FAM170A: variants seen among roughly 807,000 people sequenced by gnomAD.
FAM170A encodes the protein family with sequence similarity 170 member A, also known as protein FAM170A.
Under a neutral mutation model 36.6 loss-of-function variants are expected in FAM170A, and 28 were observed. The observed-to-expected ratio is 0.76, with a 90% CI of 0.57 to 1.05. FAM170A has a LOEUF of 1.05. FAM170A is among the 50% of genes least tolerant of loss of function. The pLI, the probability that FAM170A is intolerant of heterozygous loss-of-function variation, is 0.00. For synonymous variants in FAM170A, 156 were observed against 143.9 expected (o/e 1.08, Z -0.60); for missense variants, 434 against 396.5 (o/e 1.09, Z -0.80).
intron 1 of FAM170A, among the ~76,000 whole-genome samples, chr5:119,630,541 T>C (rs1756227443): frequency 1.3e-5 from 2 of 152,128 alleles, no homozygotes; most frequent in Non-Finnish European, 2.9e-5. Context: ...GGGGAAGACC[T>C]GGCTGTTGGC....
intron 3 of FAM170A, 75 bp from the exon 4 acceptor site, chr5:119,634,953 C>T (rs567555618): frequency 6.3e-7 from 1 of 1,575,492 alleles, no homozygotes; most frequent in African/African-American, 1.3e-5. Flanking sequence ...CTTTCCAGCT[C>T]CTGCAGGAAA....
At chr5:119,633,647 A>G (rs78823077) in intron 2 of FAM170A, among the ~76,000 whole-genome samples, 4,303 of 152,076 alleles carry the variant, frequency 0.028, 94 homozygotes, top group Non-Finnish European at 0.043. Context: ...TACCTCCCAC[A>G]TTCCACAAAT....
At chr5:119,631,231 G>C (rs1440346693) in intron 1 of FAM170A, among the ~76,000 whole-genome samples, 1 of 152,236 alleles carries the variant, frequency 6.6e-6, no homozygotes, top group Non-Finnish European at 1.5e-5. Context: ...CCCGATTAGA[G>C]CTCAGCAGCG....
exon 1 of FAM170A, chr5:119,629,619 C>T (rs1229557512): frequency 1.7e-6 from 1 of 605,638 alleles, no homozygotes; most frequent in Non-Finnish European, 3.0e-6. Context: ...ACTAAGCGGT[C>T]TGAGTTCTTT....
At chr5:119,634,225 A>G (rs762480512) in exon 3 of FAM170A, 1 of 1,614,234 alleles carries the variant, frequency 6.2e-7, no homozygotes, top group Non-Finnish European at 8.5e-7. Context: ...CAAGGATGGA[A>G]GAAGTGACCC....
At position 119,632,841 on chromosome 5, in the gene FAM170A, CCGAA is replaced by C. The variant is rs1213487600; in HGVS notation, c.165_168del (p.Glu56ThrfsTer63). The C allele has an allele frequency of 9.3e-6, 15 of 1,612,906 alleles. No homozygotes were observed. The highest frequency in any genetic ancestry group is 1.3e-5 in the Non-Finnish European group (15 of 1,179,162). Reference sequence around the variant, plus strand: ...GGGGTGGGAGAAGTTACTTCTACCTCCGAATACTGCTCCTGCGTTTCTTCTTCAC... The same window carrying C: ...GGGGTGGGAGAAGTTACTTCTACCTCTACTGCTCCTGCGTTTCTTCTTCAC... On this transcript the variant is annotated frameshift_variant, in exon 2 of 5. Coordinates refer to ENST00000613773, the Ensembl canonical transcript of FAM170A. LOFTEE classifies it high-confidence loss of function.
chr5:119,632,796 T>C lies in FAM170A; in HGVS notation c.119T>C (p.Val40Ala), dbSNP rs755469276. ...GCCCTGCAGCCTGGATCCACTAGAG[T>C]GGCCAAAGGCTGGAGCCAAGGGGTG... Residue 40 changes from valine (V) to alanine (A), a missense_variant, in exon 2 of 5, where the codon GTG becomes GCG. Val to Ala is a moderately conservative substitution (Grantham distance 64). Coordinates refer to ENST00000613773, the Ensembl canonical transcript of FAM170A. 2 of 1,612,360 alleles carry C rather than the reference T, an allele frequency of 1.2e-6. No homozygotes were observed. The highest frequency in any genetic ancestry group is 2.7e-5 in the African/African-American group (2 of 74,886).
At chr5:119,632,769 A>G in exon 2 of FAM170A, 2 of 1,605,828 alleles carry the variant, frequency 1.2e-6, no homozygotes, top group Non-Finnish European at 1.7e-6. Context: ...TCCCAAGAGG[A>G]TGCCCTGCAG....
At chr5:119,633,026 TG>T in intron 2 of FAM170A, 138 bp downstream of exon 2, 3 of 914,098 alleles carry the variant, frequency 3.3e-6, no homozygotes, top group Non-Finnish European at 1.6e-6. Context: ...TCTTTGGGAG[TG>T]GGGCTTTTTG....
intron 1 of FAM170A, among the ~76,000 whole-genome samples, chr5:119,630,530 A>G (rs1756227096): frequency 6.6e-6 from 1 of 152,084 alleles, no homozygotes; most frequent in Admixed American, 6.5e-5. Context: ...TGCAGTAGGG[A>G]GGGGAAGACC....
At chr5:119,629,824 C>T (rs1318409296) in exon 1 of FAM170A, 1 of 1,613,572 alleles carries the variant, frequency 6.2e-7, no homozygotes, top group Non-Finnish European at 8.5e-7. Flanking sequence ...CAGGAAACCG[C>T]TGAGAAGGGA....
rs1420807289 is a variant in FAM170A, at chr5:119,634,750, G to A, written c.986+16G>A. The A allele has an allele frequency of 6.6e-7, 1 of 1,525,416 alleles. No individual in the cohort carries two copies. Among genetic ancestry groups the A allele is most frequent in the Admixed American group, 2.2e-5 (1 of 46,348 alleles). 94.5% of individuals were successfully genotyped at this position (1,525,416 alleles called of 1,614,324 possible). ...AGGACAGGAAGTGAGCAAAGCCTGGGTTGTGGGTCTGCTGAGGGAGCAATG... is the reference window on the plus strand; with the variant it reads ...AGGACAGGAAGTGAGCAAAGCCTGGATTGTGGGTCTGCTGAGGGAGCAATG... On this transcript the variant is annotated intron_variant, in intron 3 of 4. Transcript: ENST00000613773.
In FAM170A at chr5:119,629,786, GA is replaced by G; in HGVS notation, c.19del (p.Arg7GlyfsTer113). 1 of 1,613,662 alleles carries G rather than the reference GA, an allele frequency of 6.2e-7. No homozygotes were observed. Among genetic ancestry groups the G allele is most frequent in the Non-Finnish European group, 8.5e-7 (1 of 1,179,690 alleles). ...CTGATATCATGAAACGACGACAAAA[GA>G]GGAAACATTTGGAAAATGAAGAGTC... On this transcript the variant is annotated frameshift_variant, in exon 1 of 5. Coordinates refer to ENST00000613773, the Ensembl canonical transcript of FAM170A. LOFTEE classifies it high-confidence loss of function.
intron 2 of FAM170A, 46 bp from the exon 3 acceptor site, chr5:119,633,913 CT>C (rs1756312126): frequency 1.9e-6 from 3 of 1,569,032 alleles, no homozygotes; most frequent in South Asian, 2.4e-5. Flanking sequence ...CCCTCAGCTC[CT>C]AGCATGGCCC....
chr5:119,634,775 G>A, intron 3 of FAM170A, 41 bp downstream of exon 3: 1 of 1,508,672 alleles, frequency 6.6e-7, no homozygotes, highest in South Asian at 1.3e-5. Flanking sequence ...AGGGAGCAAT[G>A]GCTTCCCCGA....
In FAM170A at chr5:119,632,828, G is replaced by A. The variant is rs868358305; in HGVS notation, c.151G>A (p.Val51Ile). 8 of 1,613,168 alleles carry A rather than the reference G, an allele frequency of 5.0e-6. No individual in the cohort carries two copies. The African/African-American group carries it at 6.7e-5, about 13-fold the overall frequency. ...AGGCTGGAGCCAAGGGGTGGGAGAA[G>A]TTACTTCTACCTCCGAATACTGCTC... is the stretch of plus-strand genomic sequence containing the variant. Residue 51 changes from valine (V) to isoleucine (I), a missense_variant, in exon 2 of 5, where the codon GTT becomes ATT. Coordinates refer to ENST00000613773, the Ensembl canonical transcript of FAM170A.
At chr5:119,634,976 C>A (rs1269241868) in intron 3 of FAM170A, 52 bp from the exon 4 acceptor site, 4 of 1,610,748 alleles carry the variant, frequency 2.5e-6, no homozygotes, top group Non-Finnish European at 3.4e-6. Context: ...CTGAGAATTT[C>A]AAAAGTCGCA....
At chr5:119,633,015 C>A in intron 2 of FAM170A, 127 bp downstream of exon 2, 2 of 1,110,036 alleles carry the variant, frequency 1.8e-6, no homozygotes, top group Non-Finnish European at 2.5e-6. Flanking sequence ...GGGTGTAAGA[C>A]TCTTTGGGAG....
intron 2 of FAM170A, 83 bp from the exon 3 acceptor site, chr5:119,633,877 T>C: frequency 6.6e-7 from 1 of 1,521,952 alleles, no homozygotes; most frequent in Non-Finnish European, 8.9e-7. Flanking sequence ...CCCTGTCTCC[T>C]GCACCACACA....
Sources: gnomAD v4.1 joint callset for allele counts (sites outside exome capture counted in the v4.1 genomes callset) on GRCh38, gnomAD v4.1.1 for gene constraint, MANE v1.5 for transcripts, NCBI Gene and HGNC (gene_info 2026-07-23, HGNC 2026-07-21) for gene names.